Variants in BZW2 observed in about 807,000 individuals in gnomAD.
The protein encoded by BZW2 is basic leucine zipper and W2 domains 2, also known as eIF5-mimic protein 1.
Under a neutral mutation model 53.2 loss-of-function variants are expected in BZW2, and 23 were observed. The ratio of observed to expected loss-of-function variants is 0.43; its 90% CI spans 0.31 to 0.61. The LOEUF is 0.61. Ranked by LOEUF, BZW2 falls within the 20% of genes least tolerant of loss-of-function variation. The pLI is 0.09. For missense variants in BZW2, 409 were observed against 503.1 expected (o/e 0.81, Z 1.79); for synonymous variants, 227 against 186.4 (o/e 1.22, Z -1.77).
intron 2 of BZW2, among the ~76,000 whole-genome samples, chr7:16,668,469 T>C (rs1782498997): frequency 2.0e-5 from 3 of 152,320 alleles, no homozygotes; most frequent in Middle Eastern, 3.4e-3. Context: ...AGCCATTTTG[T>C]GCCAAACTCC....
chr7:16,688,268 T>G (rs1302573681), intron 6 of BZW2, among the ~76,000 whole-genome samples: 17 of 152,202 alleles, frequency 1.1e-4, no homozygotes, highest in African/African-American at 2.4e-5. Flanking sequence ...CTGTTATCAT[T>G]CATAGCATTA....
chr7:16,697,994 C>G, intron 9 of BZW2, 54 bp from the exon 10 acceptor site: 2 of 1,602,016 alleles, frequency 1.2e-6, no homozygotes, highest in Non-Finnish European at 1.7e-6. Flanking sequence ...CCAGCAGTGT[C>G]GGCTCTGTAC....
At chr7:16,646,919 G>A (rs1781882700) in intron 1 of BZW2, among the ~76,000 whole-genome samples, 1 of 152,146 alleles carries the variant, frequency 6.6e-6, no homozygotes, top group Non-Finnish European at 1.5e-5. Flanking sequence ...TAGAGTTCTC[G>A]GTTCTCTTTG....
intron 7 of BZW2, among the ~76,000 whole-genome samples, chr7:16,691,372 G>A (rs545165548): frequency 1.5e-4 from 23 of 152,334 alleles, no homozygotes; most frequent in African/African-American, 5.3e-4. Flanking sequence ...TGAGGAAGGT[G>A]GAGGTTCATA....
chr7:16,704,615 G>A lies in BZW2; in HGVS notation c.1177G>A (p.Val393Ile). The A allele has an allele frequency of 6.3e-7, 1 of 1,595,754 alleles. No homozygotes were observed. The highest frequency in any genetic ancestry group is 8.6e-7 in the Non-Finnish European group (1 of 1,165,870). The change falls in exon 11 of 12, where the codon GTT becomes ATT. Residue 393 changes from valine to isoleucine, a missense_variant. Val to Ile is a conservative substitution (Grantham distance 29). Coordinates refer to ENST00000258761, the MANE Select transcript of BZW2 (RefSeq NM_014038.3). The stretch of plus-strand genomic sequence containing the variant: ...AGCACATGTTGCTAAAGGCAAAAGT[G>A]TTTTTCTTGACCAGATGAAGAAATT... ...KEAHVAKGKSVFLDQMKKFVE... is the reference protein window; with the variant it reads ...KEAHVAKGKSIFLDQMKKFVE...
chr7:16,676,040 C>T (rs1782753630), intron 3 of BZW2, among the ~76,000 whole-genome samples: 1 of 152,156 alleles, frequency 6.6e-6, no homozygotes, highest in South Asian at 2.1e-4. Flanking sequence ...GAGATCGAGC[C>T]TCTGCACCCC....
At chr7:16,699,609 A>C (rs1239260277) in intron 10 of BZW2, among the ~76,000 whole-genome samples, 1 of 152,024 alleles carries the variant, frequency 6.6e-6, no homozygotes, top group Non-Finnish European at 1.5e-5. Flanking sequence ...AGTGTTTCTC[A>C]CCAATTTTTT....
At chr7:16,655,480 T>A (rs1475870968) in intron 1 of BZW2, among the ~76,000 whole-genome samples, 3 of 152,190 alleles carry the variant, frequency 2.0e-5, no homozygotes, top group African/African-American at 4.8e-5. Context: ...TCAGGGTGAT[T>A]AGCATATTCA....
intron 10 of BZW2, among the ~76,000 whole-genome samples, chr7:16,699,089 G>T (rs1783589183): frequency 6.6e-6 from 1 of 151,994 alleles, no homozygotes; most frequent in Non-Finnish European, 1.5e-5. Flanking sequence ...AATTTTTATT[G>T]GCCACGTAGA....
chr7:16,653,210 C>A (rs948299873), intron 1 of BZW2, among the ~76,000 whole-genome samples: 2 of 152,154 alleles, frequency 1.3e-5, no homozygotes, highest in Non-Finnish European at 2.9e-5. Context: ...TCCACTATTA[C>A]GATTTTTAAG....
At chr7:16,662,422 G>A (rs1442721197) in intron 1 of BZW2, among the ~76,000 whole-genome samples, 1 of 152,116 alleles carries the variant, frequency 6.6e-6, no homozygotes, top group Non-Finnish European at 1.5e-5. Flanking sequence ...TGCTTAGAAA[G>A]GAAGTAAGTA....
chr7:16,671,861 G>A (rs1562483280), intron 2 of BZW2, among the ~76,000 whole-genome samples: 1 of 150,644 alleles, frequency 6.6e-6, no homozygotes, highest in African/African-American at 2.5e-5. Context: ...AACCCAGGAG[G>A]CAGAGGTTAT....
At chr7:16,687,441 G>C (rs1783161067) in intron 6 of BZW2, 1 of 152,170 alleles carries the variant, frequency 6.6e-6, no homozygotes, top group Non-Finnish European at 1.5e-5. Flanking sequence ...AAAATGCTGG[G>C]TATGGTAACT....
At chr7:16,673,890 GTTA>G (rs975497802) in intron 2 of BZW2, among the ~76,000 whole-genome samples, 4 of 151,962 alleles carry the variant, frequency 2.6e-5, no homozygotes, top group Non-Finnish European at 2.9e-5. Flanking sequence ...TCTGCAATAA[GTTA>G]TTATTATTAT....
intron 5 of BZW2, among the ~76,000 whole-genome samples, chr7:16,685,373 A>C (rs1428913451): frequency 6.6e-6 from 1 of 151,414 alleles, no homozygotes. Flanking sequence ...TCAGAAAAGT[A>C]TATATTAAAT....
At chr7:16,669,436 T>C (rs1038210731) in intron 2 of BZW2, among the ~76,000 whole-genome samples, 1 of 152,224 alleles carries the variant, frequency 6.6e-6, no homozygotes, top group Non-Finnish European at 1.5e-5. Flanking sequence ...CCATGTAATA[T>C]TGGTTTTAAA....
At chr7:16,651,868 TTTAAA>T (rs1338726060) in intron 1 of BZW2, among the ~76,000 whole-genome samples, 3 of 152,208 alleles carry the variant, frequency 2.0e-5, no homozygotes, top group Admixed American at 6.5e-5. Flanking sequence ...TGAACTCAAC[TTTAAA>T]TTAATATTTA....
chr7:16,659,651 A>T (rs910419590), intron 1 of BZW2, among the ~76,000 whole-genome samples: 1 of 152,112 alleles, frequency 6.6e-6, no homozygotes, highest in East Asian at 1.9e-4. Flanking sequence ...TTATTTTAAT[A>T]GTAGATAATT....
intron 5 of BZW2, among the ~76,000 whole-genome samples, chr7:16,683,862 C>T (rs1783032058): frequency 6.6e-6 from 1 of 152,128 alleles, no homozygotes. Context: ...TCTCCCCGCT[C>T]CTCCCCACCT....
Sources: gnomAD v4.1 joint callset for allele counts (sites outside exome capture counted in the v4.1 genomes callset) on GRCh38, gnomAD v4.1.1 for gene constraint, MANE v1.5 for transcripts, NCBI Gene and HGNC (gene_info 2026-07-23, HGNC 2026-07-21) for gene names.